Variants in EPHA5 observed in about 807,000 individuals in gnomAD.
The protein encoded by EPHA5 is ephrin type-A receptor 5.
In EPHA5, 60 loss-of-function variants were observed where a neutral mutation model predicts 105.0. The observed-to-expected ratio is 0.57, with a 90% CI of 0.46 to 0.71. The LOEUF (loss-of-function observed/expected upper bound fraction) is 0.71. EPHA5 is among the 30% of genes least tolerant of loss of function. EPHA5 has a pLI of 0.00. For missense variants in EPHA5, 1,218 were observed against 1,274.7 expected, an observed-to-expected ratio of 0.96 and a Z score of 0.68; for synonymous variants, 513 against 449.1, an observed-to-expected ratio of 1.14 and a Z score of -1.80.
intron 8 of EPHA5, among the ~76,000 whole-genome samples, chr4:65,395,128 C>A (rs778273553): frequency 1.3e-5 from 2 of 152,154 alleles, no homozygotes; most frequent in Non-Finnish European, 2.9e-5. Context: ...AACATAAGAA[C>A]TGTGCCAGGC....
rs193193984 is a variant in EPHA5, at chr4:65,437,082, A to T, written c.1403-16517T>A. On this transcript the variant is annotated intron_variant, in intron 5 of 16. Coordinates refer to ENST00000613740, the MANE Select transcript of EPHA5 (RefSeq NM_001281766.3). Reference sequence around the variant, plus strand: ...AATATGTAAACGAGATTAAAATGTAAAAACAAACAATAATTTCTAACAGAA... The same window carrying T: ...AATATGTAAACGAGATTAAAATGTATAAACAAACAATAATTTCTAACAGAA... Among the ~76,000 whole-genome samples the T allele has an allele frequency of 3.8e-3, 575 of 152,212 alleles. 3 individuals carry two copies. The highest frequency in any genetic ancestry group is 5.0e-3 in the Non-Finnish European group (337 of 67,940).
At chr4:65,350,333 G>A (rs1722697212) in intron 13 of EPHA5, among the ~76,000 whole-genome samples, 1 of 151,796 alleles carries the variant, frequency 6.6e-6, no homozygotes. Context: ...CTTCAACAAA[G>A]TACAAATCCC....
intron 3 of EPHA5, among the ~76,000 whole-genome samples, chr4:65,552,780 G>T (rs1408168478): frequency 1.3e-5 from 2 of 152,060 alleles, no homozygotes; most frequent in Non-Finnish European, 2.9e-5. Context: ...TTCTAGGTGT[G>T]TTAAATTGTA....
At chr4:65,640,275 G>GTTTT (rs36189833) in intron 2 of EPHA5, among the ~76,000 whole-genome samples, 24 of 130,050 alleles carry the variant, frequency 1.8e-4, no homozygotes, top group Non-Finnish European at 3.0e-4. Flanking sequence ...TCATTGCTCA[G>GTTTT]TTTTTTCTTT....
intron 15 of EPHA5, among the ~76,000 whole-genome samples, chr4:65,332,524 C>A (rs1720725792): frequency 6.8e-6 from 1 of 146,844 alleles, no homozygotes; most frequent in East Asian, 2.1e-4. Flanking sequence ...ACAGTGAACT[C>A]TAATGTAAAC....
chr4:65,569,087 T>C (rs1739854527), intron 3 of EPHA5, among the ~76,000 whole-genome samples: 1 of 151,420 alleles, frequency 6.6e-6, no homozygotes, highest in Admixed American at 6.6e-5. Flanking sequence ...TTGCAAAAAA[T>C]TATATATTTC....
chr4:65,615,856 C>T lies in EPHA5; in HGVS notation c.247-13552G>A, dbSNP rs79243656. Among the ~76,000 whole-genome samples the T allele has an allele frequency of 8.2e-3, 1,242 of 151,938 alleles. 17 individuals are homozygous for T. Among genetic ancestry groups the T allele is most frequent in the African/African-American group, 0.028 (1,170 of 41,496 alleles). On this transcript the variant is annotated intron_variant, in intron 2 of 16. Transcript: ENST00000613740. ...TTGCTGGTGGAAACATAAAATGGTA[C>T]AGGCACATGGATAACAGGAAATTTC... is the stretch of plus-strand genomic sequence containing the variant.
chr4:65,514,423 G>T (rs1350243732), intron 3 of EPHA5, among the ~76,000 whole-genome samples: 2 of 152,122 alleles, frequency 1.3e-5, no homozygotes, highest in Non-Finnish European at 2.9e-5. Context: ...TACTCAAGAG[G>T]CCACATGAAG....
At chr4:65,368,975 C>T (rs1718191776) in intron 8 of EPHA5, among the ~76,000 whole-genome samples, 1 of 152,086 alleles carries the variant, frequency 6.6e-6, no homozygotes, top group African/African-American at 2.4e-5. Flanking sequence ...TAGTATTTTC[C>T]CTTTGGAGCA....
chr4:65,637,521 T>G (rs117736381), intron 2 of EPHA5, among the ~76,000 whole-genome samples: 1 of 147,074 alleles, frequency 6.8e-6, no homozygotes, highest in East Asian at 2.0e-4. Context: ...ATCTTCAAAT[T>G]TTGTCTGTTA....
chr4:65,624,756 G>A (rs1302108447), intron 2 of EPHA5, among the ~76,000 whole-genome samples: 2 of 152,104 alleles, frequency 1.3e-5, no homozygotes, highest in Non-Finnish European at 2.9e-5. Flanking sequence ...TCTTGATGTT[G>A]ACCCAGGAAC....
In EPHA5 at chr4:65,601,894, A is replaced by C. The variant is rs759534013; in HGVS notation, c.657T>G (p.Ala219=). ...GFYLAFQDVG[A]CIALVSVRVY... Reference sequence around the variant, plus strand: ...CACGCACAGAAACCAGAGCAATGCAAGCACCAACATCTTGAAAAGCAAGAT... The same window carrying C: ...CACGCACAGAAACCAGAGCAATGCACGCACCAACATCTTGAAAAGCAAGAT... Residue 219 remains alanine, a synonymous_variant, in exon 3 of 17, where the codon GCT becomes GCG. Coordinates refer to ENST00000613740, the MANE Select transcript of EPHA5 (RefSeq NM_001281766.3). 6.2e-7 allele frequency: 1 copy of C among 1,614,180 alleles called. No homozygotes were observed. The highest frequency in any genetic ancestry group is 1.1e-5 in the South Asian group (1 of 91,080).
At chr4:65,497,044 TG>T (rs1732013899) in intron 3 of EPHA5, among the ~76,000 whole-genome samples, 2 of 152,294 alleles carry the variant, frequency 1.3e-5, no homozygotes, top group Middle Eastern at 6.8e-3. Context: ...ATATGCTAAT[TG>T]CTCAGTATGG....
At chr4:65,466,935 C>T (rs889564905) in intron 5 of EPHA5, among the ~76,000 whole-genome samples, 3 of 152,140 alleles carry the variant, frequency 2.0e-5, no homozygotes, top group Non-Finnish European at 2.9e-5. Context: ...CCCCACTGCA[C>T]TTGAGCATAT....
chr4:65,611,570 G>C (rs1287931112), intron 2 of EPHA5, among the ~76,000 whole-genome samples: 5 of 146,164 alleles, frequency 3.4e-5, no homozygotes, highest in Non-Finnish European at 6.0e-5. Context: ...TGCAACTCTT[G>C]ATCTCTTGAT....
chr4:65,653,797 T>C (rs774224330), intron 1 of EPHA5, among the ~76,000 whole-genome samples: 5 of 152,160 alleles, frequency 3.3e-5, no homozygotes, highest in African/African-American at 4.8e-5. Flanking sequence ...TTTTCTGTGA[T>C]ATTGTGGCAG....
intron 1 of EPHA5, among the ~76,000 whole-genome samples, chr4:65,661,013 A>G (rs1440480430): frequency 6.6e-6 from 1 of 152,112 alleles, no homozygotes; most frequent in Non-Finnish European, 1.5e-5. Context: ...CTGCTCCTCT[A>G]CAACCTATAT....
At chr4:65,462,558 G>C (rs145969267) in intron 5 of EPHA5, among the ~76,000 whole-genome samples, 63 of 152,186 alleles carry the variant, frequency 4.1e-4, no homozygotes, top group Non-Finnish European at 8.1e-4. Flanking sequence ...CAGGAGTCTG[G>C]GGCTTCAGTG....
chr4:65,579,389 TA>T (rs1741390889), intron 3 of EPHA5, among the ~76,000 whole-genome samples: 1 of 147,724 alleles, frequency 6.8e-6, no homozygotes. Context: ...TATATATATA[TA>T]AAATATTTAT....
Sources: allele counts gnomAD v4.1 joint callset (sites outside exome capture counted in the v4.1 genomes callset), GRCh38; gene constraint gnomAD v4.1.1; transcripts MANE v1.5; gene names NCBI Gene and HGNC (gene_info 2026-07-23, HGNC 2026-07-21).